The following PKHD1L1 variants were observed in gnomAD, a reference collection of about 807,000 sequenced individuals.
PKHD1L1 encodes the protein fibrocystin-L.
In PKHD1L1, 434 loss-of-function variants were observed where a neutral mutation model predicts 462.9. That is an observed-to-expected ratio of 0.94 (90% CI 0.87 to 1.02). The LOEUF is 1.02. Ranked by LOEUF, PKHD1L1 falls within the 50% of genes least tolerant of loss-of-function variation. The probability of loss-of-function intolerance (pLI) is 0.00; values close to 1 mark genes in which losing one functional copy is unlikely to be tolerated. For synonymous variants in PKHD1L1, 1,781 were observed against 1,750.0 expected, an observed-to-expected ratio of 1.02 and a Z score of -0.44; for missense variants, 5,202 against 5,096.1, an observed-to-expected ratio of 1.02 and a Z score of -0.63.
At chr8:109,476,744 A>T in intron 52 of PKHD1L1, 77 bp downstream of exon 52, 1 of 1,342,944 alleles carries the variant, frequency 7.4e-7, no homozygotes, top group Non-Finnish European at 1.0e-6. Context: ...TAATAAGCAA[A>T]TGTGTTGTGC....
At chr8:109,433,351 GGTCATGAAATTGGCAACCTGGTCTAT>G (rs1416121894) in intron 28 of PKHD1L1, 135 bp downstream of exon 28, 5 of 779,890 alleles carry the variant, frequency 6.4e-6, no homozygotes, top group Middle Eastern at 3.5e-4. Flanking sequence ...ATCCCTATGG[GGTCATGAAATTGGCAACCTGGTCTAT>G]ATAATGCCTT....
intron 27 of PKHD1L1, among the ~76,000 whole-genome samples, chr8:109,432,463 G>A (rs972260017): frequency 1.7e-4 from 26 of 152,130 alleles, no homozygotes; most frequent in African/African-American, 4.1e-4. Context: ...ATGGTGTTAC[G>A]TAAGTAGGGT....
rs201747707 is a variant in PKHD1L1 at position 109,483,034 on chromosome 8, A to G, written c.9505A>G (p.Lys3169Glu). The change falls in exon 57 of 78, where the codon AAA becomes GAA. Residue 3169 changes from lysine to glutamate, a missense_variant. Lys to Glu is a moderately conservative substitution (Grantham distance 56). Around this residue, in one of 3 missense-constraint regions of PKHD1L1, gnomAD observed 4,497 missense variants for 4,336.8 expected, o/e 1.04. Transcript: ENST00000378402. ...TCATGGAATTCCACATTCAATATAT[A>G]AAACTAAGCTCTCAGAAACTGCATT... ...DLHGIPHSIY[K>E]TKLSETAFAG... The G allele has an allele frequency of 2.9e-5, 47 of 1,600,258 alleles. No homozygotes were observed. The highest frequency in any genetic ancestry group is 3.9e-5 in the Non-Finnish European group (46 of 1,173,410).
chr8:109,404,955 A>T (rs756162400), intron 15 of PKHD1L1, 40 bp from the exon 16 acceptor site: 237 of 1,306,216 alleles, frequency 1.8e-4, no homozygotes, highest in Non-Finnish European at 2.2e-4. Context: ...AGATATATAT[A>T]TTTTTCATAT....
At chr8:109,371,402 T>G (rs1169102673) in intron 2 of PKHD1L1, among the ~76,000 whole-genome samples, 1 of 151,738 alleles carries the variant, frequency 6.6e-6, no homozygotes. Flanking sequence ...TTCTGGATAT[T>G]AGCCCTTTGT....
Position 109,403,055 on chromosome 8 carries a change from G to A in PKHD1L1, c.1373+1467G>A, listed in dbSNP as rs547140279. Reference sequence around the variant, plus strand: ...TCAGTACATTTTCAGACTTTGGCTTGGTTTTGGAAAATGAGTTCAGTCTAC... The same window carrying A: ...TCAGTACATTTTCAGACTTTGGCTTAGTTTTGGAAAATGAGTTCAGTCTAC... On this transcript the variant is annotated intron_variant, in intron 14 of 77. Transcript: ENST00000378402. 9.2e-5 allele frequency among the ~76,000 whole-genome samples: 14 copies of A among 152,292 alleles called. No individual in the cohort carries two copies. In the South Asian group the frequency reaches 2.9e-3, roughly 32 times the overall value.
At position 109,476,640 on chromosome 8, in the gene PKHD1L1, GC is replaced by G; in HGVS notation, c.8891del (p.Ala2964GlufsTer30). The part of the protein sequence containing the change: ...TSKNGDWHLE[A>X]NTSTLYYLVS... ...CAAGAATGGGGACTGGCACCTTGAAGCAAACACTAGTACTCTATATTACTTG... is the reference window on the plus strand; with the variant it reads ...CAAGAATGGGGACTGGCACCTTGAAGAAACACTAGTACTCTATATTACTTG... On this transcript the variant is annotated frameshift_variant, in exon 52 of 78. Transcript: ENST00000378402. LOFTEE classifies it high-confidence loss of function. 1 of 1,600,568 alleles carries G rather than the reference GC, an allele frequency of 6.2e-7. No individual in the cohort carries two copies. Among genetic ancestry groups the G allele is most frequent in the Non-Finnish European group, 8.5e-7 (1 of 1,172,594 alleles).
At position 109,512,709 on chromosome 8, in the gene PKHD1L1, G is replaced by A. The variant is rs991163966; in HGVS notation, c.11553+1775G>A. 1.9e-3 allele frequency among the ~76,000 whole-genome samples: 294 copies of A among 152,300 alleles called. 3 individuals are homozygous for A. The highest frequency in any genetic ancestry group is 6.9e-3 in the African/African-American group (288 of 41,548). ...TTTTTTGTTCCATATGAACTTTAAA[G>A]TAGTTTTTTCCAGTTCTGTGAAGAA... On this transcript the variant is annotated intron_variant, in intron 71 of 77. Coordinates refer to ENST00000378402, the MANE Select transcript of PKHD1L1 (RefSeq NM_177531.6).
Position 109,382,486 on chromosome 8 carries a change from CTGTT to C in PKHD1L1, c.333_336del (p.Val112GlufsTer36), listed in dbSNP as rs777298311. ...AGAGCAATGCCGGAAGATTCCTACA[CTGTT>C]AGAGTCAGTGTGGACGGGGTTCCTG... On this transcript the variant is annotated frameshift_variant, in exon 4 of 78. Coordinates refer to ENST00000378402, the MANE Select transcript of PKHD1L1 (RefSeq NM_177531.6). LOFTEE classifies it high-confidence loss of function. 9 of 1,610,596 alleles carry C rather than the reference CTGTT, an allele frequency of 5.6e-6. No individual in the cohort carries two copies. The highest frequency in any genetic ancestry group is 1.7e-4 in the Middle Eastern group (1 of 6,058).
At chr8:109,452,354 T>G (rs1319112104) in intron 42 of PKHD1L1, 74 bp downstream of exon 42, 6 of 1,318,854 alleles carry the variant, frequency 4.5e-6, no homozygotes, top group African/African-American at 4.5e-5. Flanking sequence ...AATTGGTAAT[T>G]GTTGTTTTAC....
At position 109,459,835 on chromosome 8, in the gene PKHD1L1, A is replaced by G; in HGVS notation, c.7245A>G (p.Thr2415=). The change falls in exon 47 of 78, where the codon ACA becomes ACG. Residue 2415 remains threonine (T), a splice_region_variant and synonymous_variant. Coordinates refer to ENST00000378402, the MANE Select transcript of PKHD1L1 (RefSeq NM_177531.6). ...CTGCATGTCCTGATGGATTTGACAC[A>G]GGTAATTTTAGCAGCTCTCGTGGTT... ...KIPACPDGFD[T]GEFATQTCLQ... 6.2e-7 allele frequency: 1 copy of G among 1,607,558 alleles called. No individual in the cohort carries two copies. Among genetic ancestry groups the G allele is most frequent in the Non-Finnish European group, 8.5e-7 (1 of 1,176,354 alleles).
intron 8 of PKHD1L1, 38 bp from the exon 9 acceptor site, chr8:109,390,414 G>C: frequency 8.2e-7 from 1 of 1,217,668 alleles, no homozygotes; most frequent in Non-Finnish European, 1.1e-6. Context: ...TTCTGTGACT[G>C]GGAATTTAAT....
intron 1 of PKHD1L1, 73 bp from the exon 2 acceptor site, chr8:109,364,472 ATG>A (rs1427284885): frequency 3.2e-6 from 3 of 943,168 alleles, no homozygotes; most frequent in Non-Finnish European, 3.3e-6. Flanking sequence ...ACCTTGTGGT[ATG>A]TGTTACAAAT....
Position 109,445,263 on chromosome 8 carries a change from C to G in PKHD1L1, c.5394C>G (p.Ile1798Met). 3 of 1,613,996 alleles carry G rather than the reference C, an allele frequency of 1.9e-6. No homozygotes were observed. In the South Asian group the frequency reaches 3.3e-5, roughly 18 times the overall value. ...CAATAGAGGTTAATGAAAACAACAT[C>G]ACTGCTCTTGTGACTCCTCTCCCAG... ...FRAIEVNENN[I>M]TALVTPLPVG... The change falls in exon 38 of 78, where the codon ATC (isoleucine) becomes ATG (methionine). Residue 1798 changes from isoleucine (I) to methionine (M), a missense_variant. By Grantham distance (10) the Ile-to-Met change is conservative (BLOSUM62 1). Around this residue, in one of 3 missense-constraint regions of PKHD1L1, gnomAD observed 4,497 missense variants for 4,336.8 expected, o/e 1.04. Coordinates refer to ENST00000378402, the MANE Select transcript of PKHD1L1 (RefSeq NM_177531.6).
Position 109,405,069 on chromosome 8 carries a change from T to TA in PKHD1L1, c.1608_1609insA (p.Val537SerfsTer4). 6.6e-7 allele frequency: 1 copy of TA among 1,526,336 alleles called. No individual in the cohort carries two copies. Among genetic ancestry groups the TA allele is most frequent in the South Asian group, 1.2e-5 (1 of 83,032 alleles). The allele number at this position is 1,526,336 out of a possible 1,614,324, so 94.5% of individuals were successfully genotyped here. A position where few individuals can be genotyped will look rare whatever the true frequency, so the allele number is the denominator to read the frequency against. ...AGAAGATCAAGGTAACCAGCCCATGTGTGGAAGCTAATTCATGTTCACTTT... is the reference window on the plus strand; with the variant it reads ...AGAAGATCAAGGTAACCAGCCCATGTAGTGGAAGCTAATTCATGTTCACTTT... On this transcript the variant is annotated frameshift_variant, in exon 16 of 78. Coordinates refer to ENST00000378402, the MANE Select transcript of PKHD1L1 (RefSeq NM_177531.6). LOFTEE classifies it high-confidence loss of function.
intron 21 of PKHD1L1, among the ~76,000 whole-genome samples, chr8:109,414,499 C>A (rs1386087290): frequency 1.3e-5 from 2 of 148,628 alleles, no homozygotes; most frequent in Admixed American, 1.3e-4. Flanking sequence ...TTTTTTTTTG[C>A]TTTTTCTTCT....
At chr8:109,514,150 C>G (rs1277730816) in intron 71 of PKHD1L1, among the ~76,000 whole-genome samples, 1 of 152,086 alleles carries the variant, frequency 6.6e-6, no homozygotes, top group African/African-American at 2.4e-5. Flanking sequence ...ACATGCTACC[C>G]TCCCGGGCCT....
In PKHD1L1 at chr8:109,427,157, G is replaced by A. The variant is rs369873942; in HGVS notation, c.3000+1G>A. On this transcript the variant is annotated splice_donor_variant, in intron 25 of 77. Coordinates refer to ENST00000378402, the MANE Select transcript of PKHD1L1 (RefSeq NM_177531.6). LOFTEE classifies it high-confidence loss of function. ...CTGCGGAAAGCAGAATCTTCTACAGGTTCCCTCATTTGGCTTGGCTTCTCT... is the reference window on the plus strand; with the variant it reads ...CTGCGGAAAGCAGAATCTTCTACAGATTCCCTCATTTGGCTTGGCTTCTCT... The A allele has an allele frequency of 2.5e-6, 4 of 1,611,984 alleles. No individual in the cohort carries two copies. In the East Asian group the frequency reaches 8.9e-5, roughly 36 times the overall value.
At chr8:109,410,405 G>T (rs1180836804) in intron 19 of PKHD1L1, among the ~76,000 whole-genome samples, 2 of 152,096 alleles carry the variant, frequency 1.3e-5, no homozygotes, top group Non-Finnish European at 2.9e-5. Flanking sequence ...GGAAGGCCTT[G>T]GGAAACTCTC....
Sources: allele counts gnomAD v4.1 joint callset (sites outside exome capture counted in the v4.1 genomes callset), GRCh38; gene constraint gnomAD v4.1.1; regional missense constraint gnomAD v4.1.1; transcripts MANE v1.5; gene names NCBI Gene and HGNC (gene_info 2026-07-23, HGNC 2026-07-21).